Variants in MMRN1 observed in about 807,000 individuals in gnomAD.
The protein encoded by MMRN1 is multimerin 1.
Under a neutral mutation model 100.7 loss-of-function variants are expected in MMRN1, and 94 were observed. The observed-to-expected ratio is 0.93, with a 90% confidence interval of 0.79 to 1.11. MMRN1 has a LOEUF of 1.11. Among genes scored for constraint, MMRN1 ranks in the 50% least tolerant of loss-of-function variants. The pLI is 0.00. For missense variants in MMRN1, 1,606 were observed against 1,439.1 expected (o/e 1.12, Z -1.88); for synonymous variants, 575 against 505.0 (o/e 1.14, Z -1.86).
chr4:89,936,929 G>C, intron 6 of MMRN1, 131 bp downstream of exon 6: 6 of 725,490 alleles, frequency 8.3e-6, no homozygotes, highest in Non-Finnish European at 1.3e-5. Flanking sequence ...GTCAAGTTGT[G>C]AAGATCACTG....
At chr4:89,912,290 T>C (rs1721779511) in intron 3 of MMRN1, among the ~76,000 whole-genome samples, 1 of 151,232 alleles carries the variant, frequency 6.6e-6, no homozygotes, top group Non-Finnish European at 1.5e-5. Context: ...CAAATGGAAA[T>C]CTGATGAAAG....
chr4:89,950,121 G>A (rs905566524), intron 6 of MMRN1, among the ~76,000 whole-genome samples: 5 of 152,182 alleles, frequency 3.3e-5, no homozygotes, highest in African/African-American at 1.2e-4. Flanking sequence ...TATATGTAAT[G>A]TGTGAGCTGT....
intron 7 of MMRN1, 102 bp from the exon 8 acceptor site, chr4:89,952,895 G>T: frequency 8.4e-7 from 1 of 1,190,142 alleles, no homozygotes. Context: ...TTTCTCTTCT[G>T]CTAAGACTTT....
intron 1 of MMRN1, among the ~76,000 whole-genome samples, chr4:89,887,381 T>C (rs968530414): frequency 4.6e-5 from 7 of 152,152 alleles, no homozygotes; most frequent in African/African-American, 1.4e-4. Flanking sequence ...AGGAATCATA[T>C]TACCTGTCTT....
rs112939233 is a variant in MMRN1, at chr4:89,914,999, C to T, written c.850+2949C>T. ...TCTTATAACATTCTGTTTTGTACTG[C>T]AGATATTATGAATGCTGACAAAATG... On this transcript the variant is annotated intron_variant, in intron 3 of 7. Coordinates refer to ENST00000264790, the MANE Select transcript of MMRN1 (RefSeq NM_007351.3). Among the ~76,000 whole-genome samples, 903 of 151,614 alleles carry T rather than the reference C, an allele frequency of 6.0e-3. 7 individuals carry two copies. The highest frequency in any genetic ancestry group is 0.021 in the African/African-American group (863 of 41,434).
rs763822256 is a variant in MMRN1, at chr4:89,935,219, G to T, written c.1539G>T (p.Leu513Phe). 2.5e-6 allele frequency: 4 copies of T among 1,613,348 alleles called. No individual in the cohort carries two copies. The highest frequency in any genetic ancestry group is 3.4e-6 in the Non-Finnish European group (4 of 1,179,726). ...CCCTCAATAAAACTCTTTCTAAATT[G>T]AAGGAAGTACATGAGCAGCTTTTAT... ...YESLNKTLSK[L>F]KEVHEQLLST... Residue 513 changes from leucine (L) to phenylalanine (F), a missense_variant, in exon 6 of 8, where the codon TTG (leucine) becomes TTT (phenylalanine). Transcript: ENST00000264790.
At chr4:89,907,577 G>C (rs999596469) in intron 1 of MMRN1, among the ~76,000 whole-genome samples, 4 of 150,892 alleles carry the variant, frequency 2.7e-5, no homozygotes, top group Middle Eastern at 3.4e-3. Context: ...TGTTTATTCT[G>C]CCCAATCTTA....
intron 6 of MMRN1, among the ~76,000 whole-genome samples, chr4:89,950,343 TATATATATACTGCCAGAAGAA>T (rs1188776026): frequency 3.3e-5 from 5 of 152,116 alleles, no homozygotes; most frequent in African/African-American, 1.2e-4. Context: ...ATGTCTGGAG[TATATATATACTGCCAGAAGAA>T]ATGTTTGGCT....
intron 1 of MMRN1, among the ~76,000 whole-genome samples, chr4:89,887,180 T>A (rs1720957239): frequency 6.6e-6 from 1 of 152,088 alleles, no homozygotes; most frequent in Non-Finnish European, 1.5e-5. Flanking sequence ...AGATATCTCA[T>A]GTTCATGGAT....
intron 5 of MMRN1, among the ~76,000 whole-genome samples, chr4:89,931,382 T>A (rs1722429430): frequency 6.6e-6 from 1 of 152,152 alleles, no homozygotes; most frequent in African/African-American, 2.4e-5. Context: ...GTGGAGCCTA[T>A]TTTTTTAATC....
chr4:89,887,184 C>G (rs1250860409), intron 1 of MMRN1, among the ~76,000 whole-genome samples: 2 of 152,042 alleles, frequency 1.3e-5, no homozygotes, highest in Non-Finnish European at 2.9e-5. Context: ...ATCTCATGTT[C>G]ATGGATTCAA....
intron 4 of MMRN1, among the ~76,000 whole-genome samples, chr4:89,924,104 T>C: frequency 6.6e-6 from 1 of 152,242 alleles, no homozygotes; most frequent in Admixed American, 6.5e-5. Context: ...TCTTTATCTT[T>C]GATTAACGAA....
At chr4:89,881,496 A>G (rs1720813840) in intron 1 of MMRN1, among the ~76,000 whole-genome samples, 1 of 152,066 alleles carries the variant, frequency 6.6e-6, no homozygotes, top group South Asian at 2.1e-4. Context: ...TTTTGTATGA[A>G]TTCTAATGTG....
In MMRN1 at chr4:89,953,956, G is replaced by T. The variant is rs977194609; in HGVS notation, c.*538G>T. 1.3e-5 allele frequency: 2 copies of T among 152,002 alleles called. No homozygotes were observed. Among genetic ancestry groups the T allele is most frequent in the Non-Finnish European group, 2.9e-5 (2 of 68,030 alleles). The allele number at this position is 152,002 out of a possible 1,614,324, so 9.4% of individuals were successfully genotyped here. ...TTCAGAATCAAAATTAAGAAAGTTG[G>T]ACTGAAAATATGAAAAATGCTTAAC... is the stretch of plus-strand genomic sequence containing the variant. On this transcript the variant is annotated 3_prime_UTR_variant, in exon 8 of 8. Transcript: ENST00000264790.
Position 89,953,187 on chromosome 4 carries a change from G to A in MMRN1, c.3456G>A (p.Glu1152=). 6.2e-7 allele frequency: 1 copy of A among 1,613,758 alleles called. No homozygotes were observed. The part of the protein sequence containing the change: ...LGVYVFKYTI[E]SFSAHISGFL... ...TATATGTTTTCAAGTACACCATCGA[G>A]TCATTTAGTGCTCATATTTCTGGAT... Residue 1152 remains glutamate, a synonymous_variant, in exon 8 of 8, where the codon GAG becomes GAA. Coordinates refer to ENST00000264790, the MANE Select transcript of MMRN1 (RefSeq NM_007351.3).
intron 1 of MMRN1, among the ~76,000 whole-genome samples, chr4:89,896,183 C>G (rs1299058196): frequency 6.6e-6 from 1 of 152,088 alleles, no homozygotes; most frequent in East Asian, 1.9e-4. Flanking sequence ...AAAAATAAAA[C>G]TTTGCAGGGT....
At chr4:89,919,418 G>A (rs1004389347) in intron 3 of MMRN1, among the ~76,000 whole-genome samples, 1 of 151,494 alleles carries the variant, frequency 6.6e-6, no homozygotes, top group Admixed American at 6.6e-5. Context: ...ATGCCATTAT[G>A]ATGAAAAATG....
chr4:89,903,408 T>C (rs572139628), intron 1 of MMRN1, among the ~76,000 whole-genome samples: 3 of 151,802 alleles, frequency 2.0e-5, no homozygotes, highest in African/African-American at 7.2e-5. Flanking sequence ...TAAATGATGA[T>C]GATGGTCTTC....
chr4:89,907,189 T>C (rs182708309), intron 1 of MMRN1, among the ~76,000 whole-genome samples: 29 of 151,614 alleles, frequency 1.9e-4, no homozygotes, highest in South Asian at 2.1e-4. Context: ...TTTTTATTTT[T>C]ATTTCTTGCT....
Sources: allele counts gnomAD v4.1 joint callset (sites outside exome capture counted in the v4.1 genomes callset), GRCh38; gene constraint gnomAD v4.1.1; transcripts MANE v1.5; gene names NCBI Gene and HGNC (gene_info 2026-07-23, HGNC 2026-07-21).